VIL1: variants seen among roughly 807,000 people sequenced by gnomAD.
VIL1 encodes the protein villin 1.
VIL1 carries 86 observed loss-of-function variants against 104.0 expected under a neutral mutation model. The observed-to-expected ratio is 0.83, with a 90% confidence interval of 0.69 to 0.99. The LOEUF is 0.99. VIL1 is among the 50% of genes least tolerant of loss of function. VIL1 has a pLI of 0.00. For synonymous variants in VIL1, 394 were observed against 412.6 expected (o/e 0.95, Z 0.55); for missense variants, 944 against 1,054.1 (o/e 0.90, Z 1.45).
chr2:218,423,778 C>G lies in VIL1; in HGVS notation c.-1C>G. 5.6e-6 allele frequency: 9 copies of G among 1,614,158 alleles called. No homozygotes were observed. Among genetic ancestry groups the G allele is most frequent in the Non-Finnish European group, 7.6e-6 (9 of 1,180,016 alleles). ...CGCCTTCTCCCCCAGGCTCACTCAC[C>G]ATGACCAAGCTGAGCGCCCAAGTCA... On this transcript the variant is annotated 5_prime_UTR_variant, in exon 2 of 20. Transcript: ENST00000248444.
chr2:218,439,482 G>C (rs1689248070), intron 18 of VIL1, among the ~76,000 whole-genome samples: 1 of 152,028 alleles, frequency 6.6e-6, no homozygotes. Flanking sequence ...CCCTTCTCTA[G>C]GTAGAATAAC....
chr2:218,425,013 A>G (rs1688955857), intron 3 of VIL1, among the ~76,000 whole-genome samples: 3 of 152,014 alleles, frequency 2.0e-5, no homozygotes, highest in Non-Finnish European at 4.4e-5. Flanking sequence ...TACCACCTGT[A>G]CTATTAAGAC....
chr2:218,427,945 C>A lies in VIL1; in HGVS notation c.348-20C>A. On this transcript the variant is annotated intron_variant, in intron 4 of 19. Transcript: ENST00000248444. ...CACCTCCCAGCCCACTTCCTTGGGT[C>A]AGCTCACCTCTCTTCTCAGGATCCG... is the stretch of plus-strand genomic sequence containing the variant. 1 of 1,611,612 alleles carries A rather than the reference C, an allele frequency of 6.2e-7. No homozygotes were observed. The highest frequency in any genetic ancestry group is 1.1e-5 in the South Asian group (1 of 91,034).
intron 19 of VIL1, among the ~76,000 whole-genome samples, chr2:218,441,084 G>A (rs147808117): frequency 6.6e-6 from 1 of 152,228 alleles, no homozygotes; most frequent in Non-Finnish European, 1.5e-5. Flanking sequence ...AAGTACAGGA[G>A]CTGTGAAGAG....
chr2:218,430,922 C>T, intron 10 of VIL1, 44 bp downstream of exon 10: 2 of 1,584,930 alleles, frequency 1.3e-6, no homozygotes. Context: ...GATCCAGGAG[C>T]TGGGCCAGGA....
Position 218,436,898 on chromosome 2 carries a change from G to A in VIL1, c.1972-226G>A, listed in dbSNP as rs953596814. Among the ~76,000 whole-genome samples, 4 of 152,330 alleles carry A rather than the reference G, an allele frequency of 2.6e-5. No homozygotes were observed. The East Asian group carries it at 7.7e-4, about 29-fold the overall frequency. On this transcript the variant is annotated intron_variant, in intron 16 of 19. Transcript: ENST00000248444. Reference sequence around the variant, plus strand: ...TTTTGAGAATCCTGGGCTTTGGACAGTCTGGGAGACACACATTTGCAGAAT... The same window carrying A: ...TTTTGAGAATCCTGGGCTTTGGACAATCTGGGAGACACACATTTGCAGAAT...
chr2:218,425,466 G>A, intron 3 of VIL1, 149 bp from the exon 4 acceptor site: 1 of 677,986 alleles, frequency 1.5e-6, no homozygotes. Flanking sequence ...GCTGGGCCAT[G>A]ACTCAGGGCT....
At chr2:218,432,548 A>G in intron 12 of VIL1, 1 of 720,336 alleles carries the variant, frequency 1.4e-6, no homozygotes, top group Non-Finnish European at 2.5e-6. Flanking sequence ...TTTGGGGTTA[A>G]GGCTGGGGTT....
chr2:218,421,733 G>A (rs979144195), intron 1 of VIL1, among the ~76,000 whole-genome samples: 4 of 152,106 alleles, frequency 2.6e-5, no homozygotes, highest in African/African-American at 7.2e-5. Context: ...GAGGGGGAGC[G>A]CTGGCTTTTT....
chr2:218,435,301 G>A lies in VIL1; in HGVS notation c.1693G>A (p.Asp565Asn). The part of the protein sequence containing the change: ...YLWCGKGCSG[D>N]EREMAKMVAD... Reference sequence around the variant, plus strand: ...TTTTTTTTCCTAGGGTTGTAGCGGGGACGAGCGGGAGATGGCCAAGATGGT... The same window carrying A: ...TTTTTTTTCCTAGGGTTGTAGCGGGAACGAGCGGGAGATGGCCAAGATGGT... The change falls in exon 15 of 20, where the codon GAC becomes AAC. Residue 565 changes from aspartate (D) to asparagine (N), a missense_variant. Transcript: ENST00000248444. 2 of 1,613,946 alleles carry A rather than the reference G, an allele frequency of 1.2e-6. No individual in the cohort carries two copies. Among genetic ancestry groups the A allele is most frequent in the Non-Finnish European group, 1.7e-6 (2 of 1,179,894 alleles).
At chr2:218,421,376 C>G (rs945905653) in intron 1 of VIL1, among the ~76,000 whole-genome samples, 14 of 151,984 alleles carry the variant, frequency 9.2e-5, no homozygotes, top group Non-Finnish European at 1.9e-4. Flanking sequence ...CATGCCCTTC[C>G]CTGGTCTGGG....
At chr2:218,436,432 CT>C (rs1689190516) in intron 15 of VIL1, 49 bp from the exon 16 acceptor site, 1 of 1,588,948 alleles carries the variant, frequency 6.3e-7, no homozygotes, top group Non-Finnish European at 8.6e-7. Flanking sequence ...CTCAATTCTC[CT>C]TTTGCCACAC....
At chr2:218,438,295 A>G (rs1210191569) in intron 17 of VIL1, among the ~76,000 whole-genome samples, 1 of 152,156 alleles carries the variant, frequency 6.6e-6, no homozygotes, top group Admixed American at 6.5e-5. Flanking sequence ...ACCCCCACCC[A>G]TCCCCAGGAG....
chr2:218,430,123 AG>A (rs1238546251), intron 9 of VIL1, among the ~76,000 whole-genome samples, 176 bp downstream of exon 9: 13 of 152,232 alleles, frequency 8.5e-5, no homozygotes, highest in Non-Finnish European at 5.9e-5. Context: ...GAGGGGCCTG[AG>A]GGGCCATTCT....
At chr2:218,419,577 G>GT (rs1341333574) in intron 1 of VIL1, among the ~76,000 whole-genome samples, 2 of 152,142 alleles carry the variant, frequency 1.3e-5, no homozygotes, top group Admixed American at 6.5e-5. Flanking sequence ...CATCTGAAGT[G>GT]TTTTTTTCTT....
In VIL1 at chr2:218,419,127, T is replaced by C. The variant is rs1457312263; in HGVS notation, c.-53T>C. 6.6e-6 allele frequency: 1 copy of C among 152,158 alleles called. No individual in the cohort carries two copies. The highest frequency in any genetic ancestry group is 1.5e-5 in the Non-Finnish European group (1 of 68,086). The allele number at this position is 152,158 out of a possible 1,614,324, so 9.4% of individuals were successfully genotyped here. A position where few individuals can be genotyped will look rare whatever the true frequency, so the allele number is the denominator to read the frequency against. The stretch of plus-strand genomic sequence containing the variant: ...CTCTTCTGCAGCCAGCTTGCCACAA[T>C]TCCCTGAGATCTCCCAGGTGGCAGC... On this transcript the variant is annotated 5_prime_UTR_variant, in exon 1 of 20. Coordinates refer to ENST00000248444, the MANE Select transcript of VIL1 (RefSeq NM_007127.3).
intron 15 of VIL1, 81 bp downstream of exon 15, chr2:218,435,515 C>T (rs1341563726): frequency 5.2e-6 from 8 of 1,535,900 alleles, no homozygotes; most frequent in Non-Finnish European, 6.2e-6. Flanking sequence ...CCAGAGCCTA[C>T]AGCAGGCATG....
chr2:218,432,261 AC>A, intron 12 of VIL1, 78 bp downstream of exon 12: 1 of 1,549,792 alleles, frequency 6.5e-7, no homozygotes, highest in East Asian at 2.3e-5. Flanking sequence ...AGTGGCCATC[AC>A]CCTTGGGTTG....
At position 218,423,844 on chromosome 2, in the gene VIL1, G is replaced by T. The variant is rs1465386495; in HGVS notation, c.66G>T (p.Trp22Cys). 1 of 1,614,186 alleles carries T rather than the reference G, an allele frequency of 6.2e-7. No individual in the cohort carries two copies. The highest frequency in any genetic ancestry group is 8.5e-7 in the Non-Finnish European group (1 of 1,180,026). ...TCACCACCCCGGGGCTGCAGATATG[G>T]AGGATCGAGGTGAGGCCCTGTCTGG... ...LNITTPGLQI[W>C]RIEAMQMVPV... Residue 22 changes from tryptophan to cysteine, a missense_variant, in exon 2 of 20, where the codon TGG becomes TGT. Physicochemically the swap from Trp to Cys is radical, Grantham distance 215. Transcript: ENST00000248444.
Sources: allele counts gnomAD v4.1 joint callset (sites outside exome capture counted in the v4.1 genomes callset), GRCh38; gene constraint gnomAD v4.1.1; transcripts MANE v1.5; gene names NCBI Gene and HGNC (gene_info 2026-07-23, HGNC 2026-07-21).